ENPP2: variants seen among roughly 807,000 people sequenced by gnomAD.
ENPP2 encodes autotaxin.
Under a neutral mutation model 120.2 loss-of-function variants are expected in ENPP2, and 51 were observed. The ratio of observed to expected loss-of-function variants is 0.42; its 90% CI spans 0.34 to 0.54. The LOEUF (loss-of-function observed/expected upper bound fraction) is 0.54, where lower values mean the gene tolerates loss of function less well. Among genes scored for constraint, ENPP2 ranks in the 20% least tolerant of loss-of-function variants. The pLI is 0.04. For missense variants in ENPP2, 920 were observed against 1,066.5 expected (o/e 0.86, Z 1.91); for synonymous variants, 365 against 366.4 (o/e 1.00, Z 0.04).
chr8:119,562,880 G>A lies in ENPP2; in HGVS notation c.2398C>T (p.Pro800Ser), dbSNP rs1457756611. 1.2e-6 allele frequency: 2 copies of A among 1,614,106 alleles called. No individual in the cohort carries two copies. The highest frequency in any genetic ancestry group is 4.5e-5 in the East Asian group (2 of 44,882). ...SVSSFILPHR[P>S]DNEESCNSSE... ...ACATTGCAGCTCTCCTCGTTGTCAG[G>A]CCGGTGAGGCAGGATGAAGGAGGAC... is the stretch of plus-strand genomic sequence containing the variant. The change falls in exon 24 of 25, where the codon CCT (proline) becomes TCT (serine). Residue 800 changes from proline to serine, a missense_variant. Pro to Ser is a moderately conservative substitution (Grantham distance 74, BLOSUM62 -1). Transcript: ENST00000075322.
intron 18 of ENPP2, chr8:119,580,532 T>TC (rs1442022737): frequency 4.9e-6 from 1 of 204,096 alleles, no homozygotes; most frequent in Admixed American, 5.5e-5. Flanking sequence ...CTGAAGTGAT[T>TC]CCCAAACTAA....
chr8:119,641,301 CT>C (rs1341411310), upstream of ENPP2, among the ~76,000 whole-genome samples: 1 of 149,846 alleles, frequency 6.7e-6, no homozygotes, highest in Non-Finnish European at 1.5e-5. Flanking sequence ...AAAATTATCC[CT>C]CATTACCTAA....
At chr8:119,625,655 T>C (rs993390092) in intron 3 of ENPP2, among the ~76,000 whole-genome samples, 1 of 152,238 alleles carries the variant, frequency 6.6e-6, no homozygotes, top group Admixed American at 6.5e-5. Context: ...AAGAACAGCA[T>C]TGACGGTTGT....
At position 119,557,529 on chromosome 8, in the gene ENPP2, C is replaced by T. The variant is rs377163358; in HGVS notation, c.2584G>A (p.Glu862Lys). Residue 862 changes from glutamate to lysine, a missense_variant, in exon 25 of 25, where the codon GAG becomes AAG. Coordinates refer to ENST00000075322, the MANE Select transcript of ENPP2 (RefSeq NM_001040092.3). ...LKTYLHTYES[E>K]I is the part of the protein sequence containing the mutation. ...TGCAGATGCTCAGAAAGTTAAATCTCGCTCTCATATGTATGCAGGTATGTC... is the reference window on the plus strand; with the variant it reads ...TGCAGATGCTCAGAAAGTTAAATCTTGCTCTCATATGTATGCAGGTATGTC... 7.4e-6 allele frequency: 12 copies of T among 1,611,836 alleles called. No homozygotes were observed. The highest frequency in any genetic ancestry group is 4.0e-5 in the African/African-American group (3 of 74,806).
At chr8:119,608,493 A>C (rs1040576555) in intron 8 of ENPP2, among the ~76,000 whole-genome samples, 1 of 152,240 alleles carries the variant, frequency 6.6e-6, no homozygotes, top group Non-Finnish European at 1.5e-5. Flanking sequence ...GATTTTTCCT[A>C]AATCTTTTAC....
chr8:119,563,501 C>T (rs927414458), intron 23 of ENPP2, among the ~76,000 whole-genome samples: 1 of 152,118 alleles, frequency 6.6e-6, no homozygotes, highest in African/African-American at 2.4e-5. Context: ...GGGCAAGAGA[C>T]ATTAGAGCCA....
At chr8:119,607,212 TA>T (rs1814778868) in intron 9 of ENPP2, among the ~76,000 whole-genome samples, 1 of 152,150 alleles carries the variant, frequency 6.6e-6, no homozygotes, top group Non-Finnish European at 1.5e-5. Flanking sequence ...TGAACCAAAA[TA>T]AATATAATAT....
At chr8:119,585,588 T>G (rs914688696) in intron 15 of ENPP2, among the ~76,000 whole-genome samples, 5 of 152,058 alleles carry the variant, frequency 3.3e-5, no homozygotes, top group African/African-American at 1.2e-4. Context: ...AATGGATAAA[T>G]CCTTAATAAT....
rs1184547305 is a variant in ENPP2 at position 119,574,127 on chromosome 8, T to G, written c.1781-3286A>C. Among the ~76,000 whole-genome samples the G allele has an allele frequency of 3.3e-5, 5 of 152,024 alleles. No homozygotes were observed. The East Asian group carries it at 9.6e-4, about 29-fold the overall frequency. On this transcript the variant is annotated intron_variant, in intron 19 of 24. Transcript: ENST00000075322. ...GATTTTAAGGTCCAGAATCAAAATT[T>G]AGATTTTATTTTTTCAGTTTATCAA...
At chr8:119,654,660 T>C (rs1157159640) in intron 1 of ENPP2, among the ~76,000 whole-genome samples, 1 of 151,894 alleles carries the variant, frequency 6.6e-6, no homozygotes, top group Non-Finnish European at 1.5e-5. Flanking sequence ...TGCATGCTTT[T>C]TCTAGGCAAA....
rs766169230 is a variant in ENPP2 at position 119,616,321 on chromosome 8, T to G, written c.721A>C (p.Thr241Pro). Residue 241 changes from threonine (T) to proline (P), a missense_variant, in exon 8 of 25, where the codon ACT (threonine) becomes CCT (proline). Coordinates refer to ENST00000075322, the MANE Select transcript of ENPP2 (RefSeq NM_001040092.3). ...TTCTCTCGCCCTCGCAGATGAAAAG[T>G]GGCATCAAATACAGGATCATACATT... Reference protein sequence around the residue: ...NSMYDPVFDATFHLRGREKFN... With the variant: ...NSMYDPVFDAPFHLRGREKFN... The G allele has an allele frequency of 3.7e-6, 6 of 1,609,402 alleles. No individual in the cohort carries two copies. The East Asian group carries it at 1.3e-4, about 36-fold the overall frequency.
At position 119,672,147 on chromosome 8, in the gene ENPP2, G is replaced by A. The variant is rs530811976; in HGVS notation, c.21+1105C>T. Among the ~76,000 whole-genome samples, 12 of 152,290 alleles carry A rather than the reference G, an allele frequency of 7.9e-5. No individual in the cohort carries two copies. In the South Asian group the frequency reaches 1.0e-3, roughly 13 times the overall value. On this transcript the variant is annotated intron_variant, in intron 1 of 25. Coordinates refer to the ENPP2 transcript ENST00000427067. Reference sequence around the variant, plus strand: ...CAAACCGGTAGTGAGGAGATGTCGGGAGACAGCAAATGCCACCCACTCTTT... The same window carrying A: ...CAAACCGGTAGTGAGGAGATGTCGGAAGACAGCAAATGCCACCCACTCTTT...
chr8:119,631,557 C>T (rs1425664711), intron 2 of ENPP2, among the ~76,000 whole-genome samples: 1 of 152,038 alleles, frequency 6.6e-6, no homozygotes. Flanking sequence ...TGATGACACT[C>T]AGTAATGCCA....
intron 19 of ENPP2, chr8:119,571,257 C>A: frequency 6.5e-6 from 1 of 153,800 alleles, no homozygotes. Context: ...AAGAAGAAGG[C>A]ACACATTGAT....
chr8:119,629,037 T>C (rs563747123), intron 2 of ENPP2, among the ~76,000 whole-genome samples: 3 of 152,334 alleles, frequency 2.0e-5, no homozygotes, highest in African/African-American at 2.4e-5. Context: ...TATATATAAA[T>C]ACCATACAAT....
chr8:119,596,469 G>T (rs1813903583), intron 11 of ENPP2, among the ~76,000 whole-genome samples: 1 of 152,196 alleles, frequency 6.6e-6, no homozygotes, highest in Admixed American at 6.5e-5. Flanking sequence ...TTCAGAATCT[G>T]ACAGTTATCT....
chr8:119,659,334 A>AAAAAAAAAAAC lies in ENPP2; in HGVS notation c.21+13917_21+13918insGTTTTTTTTTT, dbSNP rs58435393. Among the ~76,000 whole-genome samples the AAAAAAAAAAAC allele has an allele frequency of 3.0e-4, 39 of 130,790 alleles. 4 individuals are homozygous for AAAAAAAAAAAC. Among genetic ancestry groups the AAAAAAAAAAAC allele is most frequent in the East Asian group, 1.0e-3 (4 of 3,974 alleles). 85.8% of individuals were successfully genotyped at this position (130,790 alleles called of 152,430 possible). A position where few individuals can be genotyped will look rare whatever the true frequency, so the allele number is the denominator to read the frequency against. On this transcript the variant is annotated intron_variant, in intron 1 of 25. Transcript: ENST00000427067. ...TCTGTCTCAATTAAAAAAAAAAAAA[A>AAAAAAAAAAAC]AAACCAGAGTTCTTAAGAATTTTCT...
chr8:119,578,171 C>T (rs571902430), intron 19 of ENPP2, among the ~76,000 whole-genome samples: 1 of 152,304 alleles, frequency 6.6e-6, no homozygotes, highest in African/African-American at 2.4e-5. Context: ...CTGCCTCAGT[C>T]TCCCACGTAG....
chr8:119,653,673 G>C (rs1817687748), intron 1 of ENPP2, among the ~76,000 whole-genome samples: 1 of 136,052 alleles, frequency 7.4e-6, no homozygotes, highest in Non-Finnish European at 1.6e-5. Flanking sequence ...GGCCATAATG[G>C]AGGCTTCATG....
Sources: gnomAD v4.1 joint callset for allele counts (sites outside exome capture counted in the v4.1 genomes callset) on GRCh38, gnomAD v4.1.1 for gene constraint, MANE v1.5 for transcripts, NCBI Gene and HGNC (gene_info 2026-07-23, HGNC 2026-07-21) for gene names.